IL12RB2: variants seen among roughly 807,000 people sequenced by gnomAD.
The protein encoded by IL12RB2 is interleukin 12 receptor subunit beta 2.
Under a neutral mutation model 89.4 loss-of-function variants are expected in IL12RB2, and 82 were observed. The observed-to-expected ratio is 0.92, with a 90% CI of 0.77 to 1.10. The LOEUF (loss-of-function observed/expected upper bound fraction) is 1.10. Among genes scored for constraint, IL12RB2 ranks in the 50% least tolerant of loss-of-function variants. IL12RB2 has a pLI of 0.00. For missense variants in IL12RB2, 963 were observed against 1,031.9 expected, an observed-to-expected ratio of 0.93 and a Z score of 0.92; for synonymous variants, 368 against 370.1, an observed-to-expected ratio of 0.99 and a Z score of 0.07.
At chr1:67,341,023 C>T (rs1238088500) in intron 9 of IL12RB2, among the ~76,000 whole-genome samples, 1 of 152,172 alleles carries the variant, frequency 6.6e-6, no homozygotes, top group Non-Finnish European at 1.5e-5. Context: ...TTGAACATCT[C>T]TTATTGTTTA....
At chr1:67,365,483 A>C (rs1662574020) in intron 10 of IL12RB2, among the ~76,000 whole-genome samples, 1 of 152,214 alleles carries the variant, frequency 6.6e-6, no homozygotes, top group African/African-American at 2.4e-5. Context: ...ATGGACATGA[A>C]AAGGATAATA....
At chr1:67,327,674 G>T (rs1409343884) in intron 5 of IL12RB2, among the ~76,000 whole-genome samples, 3 of 152,236 alleles carry the variant, frequency 2.0e-5, no homozygotes, top group African/African-American at 7.2e-5. Context: ...TCCCATTAAA[G>T]ATCCAGCTGA....
At chr1:67,311,307 G>A (rs1655025662) in intron 1 of IL12RB2, among the ~76,000 whole-genome samples, 1 of 152,174 alleles carries the variant, frequency 6.6e-6, no homozygotes, top group Non-Finnish European at 1.5e-5. Context: ...AGAGGGGTAA[G>A]CCTGTTCCTG....
intron 10 of IL12RB2, among the ~76,000 whole-genome samples, chr1:67,355,583 C>T (rs1262013051): frequency 6.6e-6 from 1 of 152,136 alleles, no homozygotes; most frequent in Non-Finnish European, 1.5e-5. Flanking sequence ...ACAGAGATGG[C>T]AGAGACTGGG....
At chr1:67,356,576 G>A (rs1329812949) in intron 10 of IL12RB2, among the ~76,000 whole-genome samples, 1 of 152,188 alleles carries the variant, frequency 6.6e-6, no homozygotes, top group Non-Finnish European at 1.5e-5. Flanking sequence ...GTACTAGTTT[G>A]ATTCTGGAGG....
rs1330938184 is a variant in IL12RB2 at position 67,321,628 on chromosome 1, G to A, written c.103G>A (p.Val35Met). The A allele has an allele frequency of 1.9e-6, 3 of 1,605,726 alleles. No individual in the cohort carries two copies. Among genetic ancestry groups the A allele is most frequent in the Non-Finnish European group, 2.6e-6 (3 of 1,172,590 alleles). The part of the protein sequence containing the change: ...IDACKRGDVT[V>M]KPSHVILLGS... ...TGCGTGCAAGAGAGGCGATGTGACT[G>A]TGAAGCCTTCCCATGTAATTTTACT... The change falls in exon 4 of 17, where the codon GTG (valine) becomes ATG (methionine). Residue 35 changes from valine (V) to methionine (M), a missense_variant. Coordinates refer to ENST00000674203, the MANE Select transcript of IL12RB2 (RefSeq NM_001374259.2).
intron 9 of IL12RB2, among the ~76,000 whole-genome samples, chr1:67,339,330 T>C (rs1242116850): frequency 2.0e-5 from 3 of 151,480 alleles, no homozygotes; most frequent in Admixed American, 2.0e-4. Flanking sequence ...CTACTGAAAA[T>C]ACAAAAATTA....
chr1:67,342,503 G>A (rs957253507), intron 9 of IL12RB2, among the ~76,000 whole-genome samples: 29 of 152,100 alleles, frequency 1.9e-4, no homozygotes, highest in African/African-American at 7.2e-5. Context: ...GAGTGTGGGT[G>A]TGAATGTATG....
At chr1:67,374,682 G>A (rs566659746) in intron 13 of IL12RB2, among the ~76,000 whole-genome samples, 1 of 151,030 alleles carries the variant, frequency 6.6e-6, no homozygotes, top group Admixed American at 6.6e-5. Flanking sequence ...CACCATGTTG[G>A]CCAGGCTGGT....
intron 2 of IL12RB2, among the ~76,000 whole-genome samples, chr1:67,316,713 AGGC>A (rs1466910845): frequency 2.6e-5 from 4 of 152,100 alleles, no homozygotes; most frequent in Non-Finnish European, 5.9e-5. Flanking sequence ...CTCTGCCTCC[AGGC>A]TGTGCATTCA....
intron 9 of IL12RB2, among the ~76,000 whole-genome samples, chr1:67,340,690 A>G (rs1659426863): frequency 6.6e-6 from 1 of 152,230 alleles, no homozygotes; most frequent in African/African-American, 2.4e-5. Flanking sequence ...TCACTGTAAC[A>G]AACAGAGTTT....
chr1:67,311,698 G>T (rs772954477), intron 1 of IL12RB2, among the ~76,000 whole-genome samples: 1 of 152,174 alleles, frequency 6.6e-6, no homozygotes, highest in East Asian at 1.9e-4. Context: ...ATGGAGGGTT[G>T]TTAGTGTAGA....
chr1:67,355,197 T>A (rs552087652), intron 10 of IL12RB2, among the ~76,000 whole-genome samples: 2 of 152,150 alleles, frequency 1.3e-5, no homozygotes, highest in East Asian at 3.9e-4. Flanking sequence ...GTAGATCACT[T>A]GAGGCCAGGA....
chr1:67,345,387 G>A (rs1402869439), intron 9 of IL12RB2, among the ~76,000 whole-genome samples: 3 of 152,188 alleles, frequency 2.0e-5, no homozygotes, highest in East Asian at 3.9e-4. Flanking sequence ...CATTCACTTT[G>A]TCTCTTTCTC....
At position 67,321,682 on chromosome 1, in the gene IL12RB2, T is replaced by A. The variant is rs1290174148; in HGVS notation, c.157T>A (p.Leu53Met). 6.2e-7 allele frequency: 1 copy of A among 1,606,036 alleles called. No homozygotes were observed. Among genetic ancestry groups the A allele is most frequent in the Non-Finnish European group, 8.5e-7 (1 of 1,172,632 alleles). ...ATCCACTGTCAATATTACATGCTCT[T>A]TGAAGCCCAGACAAGGCTGCTTTCA... The part of the protein sequence containing the change: ...LGSTVNITCS[L>M]KPRQGCFHYS... Residue 53 changes from leucine (L) to methionine (M), a missense_variant, in exon 4 of 17, where the codon TTG (leucine) becomes ATG (methionine). By Grantham distance (15) the Leu-to-Met change is conservative. Transcript: ENST00000674203.
At chr1:67,358,313 C>T (rs576884601) in intron 10 of IL12RB2, among the ~76,000 whole-genome samples, 21 of 152,254 alleles carry the variant, frequency 1.4e-4, no homozygotes, top group African/African-American at 9.6e-5. Flanking sequence ...TGGTGGCTCA[C>T]GCCTGTAATC....
At chr1:67,323,988 T>C (rs950530389) in intron 4 of IL12RB2, among the ~76,000 whole-genome samples, 3 of 152,156 alleles carry the variant, frequency 2.0e-5, no homozygotes, top group African/African-American at 7.2e-5. Flanking sequence ...GATAATTGGC[T>C]TGCAAGTTTG....
intron 9 of IL12RB2, among the ~76,000 whole-genome samples, chr1:67,344,530 T>C (rs1414826311): frequency 1.3e-5 from 2 of 152,336 alleles, no homozygotes; most frequent in South Asian, 2.1e-4. Flanking sequence ...TGATCTCAAG[T>C]GATCCTCCTG....
rs377267228 is a variant in IL12RB2, at chr1:67,351,059, C to T, written c.1228C>T (p.Arg410Cys). 26 of 1,613,294 alleles carry T rather than the reference C, an allele frequency of 1.6e-5. No individual in the cohort carries two copies. The highest frequency in any genetic ancestry group is 2.1e-5 in the Non-Finnish European group (25 of 1,179,886). The change falls in exon 10 of 17, where the codon CGT (arginine) becomes TGT (cysteine). Residue 410 changes from arginine (R) to cysteine (C), a missense_variant. Physicochemically the swap from Arg to Cys is radical, Grantham distance 180. Transcript: ENST00000674203. Reference sequence around the variant, plus strand: ...TTCAAAAGGCAGTTCTCTGCCCACTCGTATTAACATAATGAACCTGTGTGA... The same window carrying T: ...TTCAAAAGGCAGTTCTCTGCCCACTTGTATTAACATAATGAACCTGTGTGA... ...ANSKGSSLPT[R>C]INIMNLCEAG...
Sources: gnomAD v4.1 joint callset for allele counts (sites outside exome capture counted in the v4.1 genomes callset) on GRCh38, gnomAD v4.1.1 for gene constraint, MANE v1.5 for transcripts, NCBI Gene and HGNC (gene_info 2026-07-23, HGNC 2026-07-21) for gene names.